Variants in GLI3 observed in about 807,000 individuals in gnomAD.
GLI3 encodes transcription activator GLI3.
In GLI3, 20 loss-of-function variants were observed where a neutral mutation model predicts 100.8. The ratio of observed to expected loss-of-function variants is 0.20; its 90% CI spans 0.14 to 0.29. GLI3 has a LOEUF of 0.29. GLI3 is among the 10% of genes least tolerant of loss of function. GLI3 has a pLI of 1.00. For synonymous variants in GLI3, 938 were observed against 860.5 expected (o/e 1.09, Z -1.58); for missense variants, 2,040 against 2,128.5 (o/e 0.96, Z 0.82).
At chr7:42,045,321 C>A in intron 6 of GLI3, 63 bp downstream of exon 6, 1 of 1,440,180 alleles carries the variant, frequency 6.9e-7, no homozygotes, top group Non-Finnish European at 9.8e-7. Context: ...GTATCTTCTT[C>A]TCTGTTTCAT....
chr7:42,150,918 C>T (rs1032290006), intron 2 of GLI3, among the ~76,000 whole-genome samples: 37 of 152,164 alleles, frequency 2.4e-4, no homozygotes, highest in South Asian at 4.1e-4. Flanking sequence ...GTAATCGGGG[C>T]GGCGGAGTGG....
At chr7:41,976,951 G>GAA (rs1583746985) in intron 12 of GLI3, among the ~76,000 whole-genome samples, 2 of 152,324 alleles carry the variant, frequency 1.3e-5, no homozygotes, top group East Asian at 3.9e-4. Context: ...GAATCACCCT[G>GAA]AAGCTTTACT....
At chr7:42,039,347 C>T (rs183571362) in intron 7 of GLI3, among the ~76,000 whole-genome samples, 12 of 152,254 alleles carry the variant, frequency 7.9e-5, no homozygotes, top group African/African-American at 1.7e-4. Context: ...TGTACCTTCA[C>T]ATGCAAAAAC....
At chr7:42,061,603 C>G (rs62443760) in intron 4 of GLI3, among the ~76,000 whole-genome samples, 5 of 152,140 alleles carry the variant, frequency 3.3e-5, no homozygotes, top group Non-Finnish European at 7.4e-5. Context: ...GTGGCAGGCT[C>G]TTTAGATGTA....
intron 13 of GLI3, among the ~76,000 whole-genome samples, chr7:41,969,741 C>T (rs1166073651): frequency 6.6e-6 from 1 of 152,230 alleles, no homozygotes; most frequent in Admixed American, 6.5e-5. Flanking sequence ...GGCACAAATG[C>T]ACTCACAATT....
chr7:42,182,454 T>C (rs1787611980), intron 2 of GLI3, among the ~76,000 whole-genome samples: 1 of 150,646 alleles, frequency 6.6e-6, no homozygotes, highest in Non-Finnish European at 1.5e-5. Flanking sequence ...AAAATAATAA[T>C]AATAATCCCT....
chr7:42,047,703 C>T (rs1327252780), intron 5 of GLI3, among the ~76,000 whole-genome samples: 2 of 152,158 alleles, frequency 1.3e-5, no homozygotes, highest in African/African-American at 4.8e-5. Flanking sequence ...ACTAACAGAA[C>T]CAACAGGAAT....
At chr7:42,182,677 T>TATATATATATATATAC in intron 2 of GLI3, among the ~76,000 whole-genome samples, 1 of 65,390 alleles carries the variant, frequency 1.5e-5, no homozygotes, top group South Asian at 5.4e-4. Flanking sequence ...TATATATATA[T>TATATATATATATATAC]ATATACACAT....
At chr7:42,210,719 A>G (rs1200708970) in intron 2 of GLI3, among the ~76,000 whole-genome samples, 6 of 152,160 alleles carry the variant, frequency 3.9e-5, no homozygotes, top group Non-Finnish European at 8.8e-5. Flanking sequence ...GAGATTTGCA[A>G]ATTATCTTAT....
At chr7:42,141,086 A>G (rs1786557804) in intron 3 of GLI3, among the ~76,000 whole-genome samples, 1 of 152,210 alleles carries the variant, frequency 6.6e-6, no homozygotes. Flanking sequence ...TGAGTTGCAG[A>G]TGGGGCCTCC....
rs886062334 is a variant in GLI3 at position 41,964,264 on chromosome 7, C to A, written c.*66G>T. ...TACAGAACTAAAAAAACAGCCAAAA[C>A]AAAGTCAGTTTAATCTCTTCAACTC... On this transcript the variant is annotated 3_prime_UTR_variant, in exon 15 of 15. Transcript: ENST00000395925. The A allele has an allele frequency of 9.2e-5, 132 of 1,439,418 alleles. No homozygotes were observed. The highest frequency in any genetic ancestry group is 4.4e-5 in the Non-Finnish European group (45 of 1,025,304). 89.2% of individuals were successfully genotyped at this position (1,439,418 alleles called of 1,614,324 possible). A position where few individuals can be genotyped will look rare whatever the true frequency, so the allele number is the denominator to read the frequency against.
chr7:42,074,669 C>T (rs906945950), intron 4 of GLI3, among the ~76,000 whole-genome samples: 8 of 152,108 alleles, frequency 5.3e-5, no homozygotes, highest in Non-Finnish European at 1.5e-5. Context: ...ATAAGCATAG[C>T]GTCCACCCAG....
intron 2 of GLI3, among the ~76,000 whole-genome samples, chr7:42,212,903 C>T (rs1206762775): frequency 1.3e-5 from 2 of 152,244 alleles, no homozygotes; most frequent in Non-Finnish European, 2.9e-5. Flanking sequence ...CAACACCAAA[C>T]AATAGAGCCA....
chr7:41,989,790 T>C (rs781635328), intron 10 of GLI3, among the ~76,000 whole-genome samples: 3 of 151,922 alleles, frequency 2.0e-5, no homozygotes, highest in Non-Finnish European at 2.9e-5. Flanking sequence ...CCCAATACTT[T>C]AGGAGGCTGA....
chr7:42,161,159 G>C (rs915347776), intron 2 of GLI3, among the ~76,000 whole-genome samples: 6 of 152,172 alleles, frequency 3.9e-5, no homozygotes, highest in Non-Finnish European at 8.8e-5. Context: ...TGTATCCTCT[G>C]ACTGCTTTTG....
At chr7:42,088,595 A>G (rs1000007443) in intron 3 of GLI3, among the ~76,000 whole-genome samples, 1 of 152,240 alleles carries the variant, frequency 6.6e-6, no homozygotes, top group Admixed American at 6.5e-5. Flanking sequence ...CAAGCCCACC[A>G]TGCCCATAAA....
chr7:41,990,830 A>T (rs1171964804), intron 10 of GLI3, among the ~76,000 whole-genome samples: 1 of 151,792 alleles, frequency 6.6e-6, no homozygotes, highest in East Asian at 1.9e-4. Flanking sequence ...GTGCTGGGAG[A>T]ACTTTCCATT....
intron 4 of GLI3, among the ~76,000 whole-genome samples, chr7:42,074,993 C>A (rs6954947): frequency 6.6e-6 from 1 of 152,056 alleles, no homozygotes; most frequent in Non-Finnish European, 1.5e-5. Context: ...ACTCTGCCTA[C>A]GAGGATGGTC....
At chr7:42,022,993 T>C (rs1384545155) in intron 10 of GLI3, among the ~76,000 whole-genome samples, 1 of 152,202 alleles carries the variant, frequency 6.6e-6, no homozygotes, top group Non-Finnish European at 1.5e-5. Context: ...GAAATTATGC[T>C]ACCTAGCTCA....
Sources: allele counts gnomAD v4.1 joint callset (sites outside exome capture counted in the v4.1 genomes callset), GRCh38; gene constraint gnomAD v4.1.1; transcripts MANE v1.5; gene names NCBI Gene and HGNC (gene_info 2026-07-23, HGNC 2026-07-21).